ADAM19: variants seen among roughly 807,000 people sequenced by gnomAD.
ADAM19 encodes ADAM metallopeptidase domain 19.
Under a neutral mutation model 114.7 loss-of-function variants are expected in ADAM19, and 65 were observed. The ratio of observed to expected loss-of-function variants is 0.57; its 90% CI spans 0.46 to 0.70. The LOEUF (loss-of-function observed/expected upper bound fraction) is 0.70, where lower values mean the gene tolerates loss of function less well. Ranked by LOEUF, ADAM19 falls within the 30% of genes least tolerant of loss-of-function variation. The pLI is 0.00. For missense variants in ADAM19, 1,063 were observed against 1,204.7 expected (o/e 0.88, Z 1.74); for synonymous variants, 466 against 460.5 (o/e 1.01, Z -0.15).
At chr5:157,530,278 C>T (rs933916478) in intron 5 of ADAM19, among the ~76,000 whole-genome samples, 1 of 152,166 alleles carries the variant, frequency 6.6e-6, no homozygotes, top group African/African-American at 2.4e-5. Flanking sequence ...CACCCCAGAA[C>T]CAGGTATAGG....
At chr5:157,503,880 A>C (rs1381739000) in intron 11 of ADAM19, among the ~76,000 whole-genome samples, 1 of 152,180 alleles carries the variant, frequency 6.6e-6, no homozygotes, top group Non-Finnish European at 1.5e-5. Context: ...GCTCTTTATC[A>C]CAGGAGTATG....
intron 5 of ADAM19, among the ~76,000 whole-genome samples, chr5:157,527,576 G>A (rs1756508738): frequency 6.6e-6 from 1 of 152,064 alleles, no homozygotes; most frequent in Admixed American, 6.6e-5. Context: ...AACAGCATGG[G>A]GAGACTGCTC....
chr5:157,531,853 A>G (rs1007757198), intron 4 of ADAM19, among the ~76,000 whole-genome samples: 1 of 152,156 alleles, frequency 6.6e-6, no homozygotes, highest in Non-Finnish European at 1.5e-5. Context: ...AACACCAAGG[A>G]TGGCCAGAAG....
chr5:157,491,922 G>A lies in ADAM19; in HGVS notation c.1909-10C>T. ...GCCCCTCAAAGCAAATCTGCACGGA[G>A]AGAAAACAGAACGATCAGTGCAATG... is the stretch of plus-strand genomic sequence containing the variant. On this transcript the variant is annotated splice_polypyrimidine_tract_variant and intron_variant, in intron 16 of 22. Transcript: ENST00000257527. The A allele has an allele frequency of 1.2e-6, 2 of 1,613,886 alleles. No individual in the cohort carries two copies. Among genetic ancestry groups the A allele is most frequent in the Non-Finnish European group, 1.7e-6 (2 of 1,179,746 alleles).
chr5:157,505,555 C>T, intron 11 of ADAM19, 114 bp downstream of exon 11: 1 of 1,217,056 alleles, frequency 8.2e-7, no homozygotes, highest in Non-Finnish European at 1.1e-6. Flanking sequence ...CATTTTTTGG[C>T]CCCATCAGAA....
intron 3 of ADAM19, among the ~76,000 whole-genome samples, chr5:157,542,823 A>C (rs1433808819): frequency 6.6e-6 from 1 of 152,180 alleles, no homozygotes; most frequent in Non-Finnish European, 1.5e-5. Flanking sequence ...AAATTAAAAA[A>C]CACTAAGGGA....
intron 5 of ADAM19, among the ~76,000 whole-genome samples, chr5:157,529,687 G>A (rs575498583): frequency 1.3e-5 from 2 of 152,316 alleles, no homozygotes; most frequent in South Asian, 2.1e-4. Context: ...GCCACTGCAA[G>A]TTCCTAGGTA....
chr5:157,518,776 C>A, intron 7 of ADAM19, 47 bp downstream of exon 7: 1 of 1,394,082 alleles, frequency 7.2e-7, no homozygotes, highest in Non-Finnish European at 1.0e-6. Flanking sequence ...GGAATGGAAG[C>A]TATCAAGAGA....
chr5:157,526,294 A>G (rs151154913), intron 5 of ADAM19, among the ~76,000 whole-genome samples: 32 of 152,294 alleles, frequency 2.1e-4, no homozygotes, highest in Middle Eastern at 6.8e-3. Flanking sequence ...TTGGAAGGGT[A>G]GGACAAGATA....
In ADAM19 at chr5:157,499,548, A is replaced by T. The variant is rs11466775; in HGVS notation, c.1398+25T>A. The T allele has an allele frequency of 6.4e-4, 1,024 of 1,596,562 alleles. 6 individuals are homozygous for T. In the African/African-American group the frequency reaches 0.012, roughly 19 times the overall value. On this transcript the variant is annotated intron_variant, in intron 13 of 22. Transcript: ENST00000257527. The stretch of plus-strand genomic sequence containing the variant: ...GGTCCCACTGTCAGGCCAGGGCCCA[A>T]GGCGTGGAGAAAAGGGCCACTTACC...
chr5:157,549,206 C>T (rs925284234), intron 3 of ADAM19, among the ~76,000 whole-genome samples: 1 of 152,208 alleles, frequency 6.6e-6, no homozygotes, highest in Non-Finnish European at 1.5e-5. Context: ...AGCTCACCTA[C>T]TTCCCTGACC....
At chr5:157,516,522 G>A (rs1756094222) in intron 7 of ADAM19, among the ~76,000 whole-genome samples, 1 of 152,140 alleles carries the variant, frequency 6.6e-6, no homozygotes. Flanking sequence ...CACACCCAGT[G>A]GGTTTGAAAG....
intron 4 of ADAM19, among the ~76,000 whole-genome samples, chr5:157,533,784 A>G (rs1227360501): frequency 6.6e-6 from 1 of 152,026 alleles, no homozygotes; most frequent in East Asian, 1.9e-4. Context: ...GGCCAACAAC[A>G]CGGTGAAACC....
In ADAM19 at chr5:157,489,202, G is replaced by C. The variant is rs748159029; in HGVS notation, c.2241-16C>G. 6.3e-7 allele frequency: 1 copy of C among 1,595,622 alleles called. No homozygotes were observed. Among genetic ancestry groups the C allele is most frequent in the East Asian group, 2.2e-5 (1 of 44,782 alleles). On this transcript the variant is annotated splice_polypyrimidine_tract_variant and intron_variant, in intron 19 of 22. Coordinates refer to ENST00000257527, the MANE Select transcript of ADAM19 (RefSeq NM_033274.5). Reference sequence around the variant, plus strand: ...GAAGGGACAACTAGAAACAAGAAATGGGGGAGGAAAAGAAAGGGGACGATG... The same window carrying C: ...GAAGGGACAACTAGAAACAAGAAATCGGGGAGGAAAAGAAAGGGGACGATG...
Position 157,479,912 on chromosome 5 carries a change from C to A in ADAM19, c.*1037G>T. ...ATTTAGCTTAGAGTAAGGAGGAAGA[C>A]CCCCACCCTGCTGAGGTCACAAAAC... On this transcript the variant is annotated 3_prime_UTR_variant, in exon 23 of 23. Transcript: ENST00000257527. The A allele has an allele frequency of 3.0e-6, 3 of 985,898 alleles. No homozygotes were observed. The highest frequency in any genetic ancestry group is 3.6e-6 in the Non-Finnish European group (3 of 830,052). 61.1% of individuals were successfully genotyped at this position (985,898 alleles called of 1,614,324 possible). A position where few individuals can be genotyped will look rare whatever the true frequency, so the allele number is the denominator to read the frequency against.
chr5:157,557,978 T>G (rs1054891927), intron 3 of ADAM19, among the ~76,000 whole-genome samples: 1 of 152,302 alleles, frequency 6.6e-6, no homozygotes, highest in East Asian at 1.9e-4. Context: ...AAAAATCACA[T>G]CAGACTGGCT....
intron 10 of ADAM19, among the ~76,000 whole-genome samples, chr5:157,506,519 T>G (rs1043289006): frequency 6.6e-6 from 1 of 152,228 alleles, no homozygotes; most frequent in African/African-American, 2.4e-5. Context: ...GCCATTATGC[T>G]ACTTTGTCGA....
intron 4 of ADAM19, among the ~76,000 whole-genome samples, chr5:157,533,252 G>C (rs1756672530): frequency 2.6e-5 from 4 of 152,226 alleles, no homozygotes; most frequent in Admixed American, 2.6e-4. Flanking sequence ...ATAGTCAGGA[G>C]GAGGGACAGA....
intron 16 of ADAM19, among the ~76,000 whole-genome samples, chr5:157,492,128 C>T (rs1346556634): frequency 1.3e-5 from 2 of 151,998 alleles, no homozygotes; most frequent in South Asian, 2.1e-4. Flanking sequence ...TCCATCTCTA[C>T]GAAAAATACA....
Sources: gnomAD v4.1 joint callset for allele counts (sites outside exome capture counted in the v4.1 genomes callset) on GRCh38, gnomAD v4.1.1 for gene constraint, MANE v1.5 for transcripts, NCBI Gene and HGNC (gene_info 2026-07-23, HGNC 2026-07-21) for gene names.